Variants in GPHN observed in about 807,000 individuals in gnomAD.
GPHN encodes the protein gephyrin.
In GPHN, 17 loss-of-function variants were observed where a neutral mutation model predicts 95.5. The ratio of observed to expected loss-of-function variants is 0.18; its 90% CI spans 0.12 to 0.27. The LOEUF (loss-of-function observed/expected upper bound fraction) is 0.27, where lower values mean the gene tolerates loss of function less well. Among genes scored for constraint, GPHN ranks in the 10% least tolerant of loss-of-function variants. The pLI is 1.00. For missense variants in GPHN, 660 were observed against 978.1 expected, an observed-to-expected ratio of 0.67 and a Z score of 4.34; for synonymous variants, 320 against 322.5, an observed-to-expected ratio of 0.99 and a Z score of 0.08.
At chr14:66,634,539 A>G (rs965859793) in intron 1 of GPHN, among the ~76,000 whole-genome samples, 1 of 151,994 alleles carries the variant, frequency 6.6e-6, no homozygotes, top group African/African-American at 2.4e-5. Flanking sequence ...GGGTGAGCCA[A>G]TCTTAAGGTC....
the GPHN span, among the ~76,000 whole-genome samples, chr14:67,354,272 A>G: frequency 5.8e-4 from 89 of 152,324 alleles, no homozygotes; most frequent in African/African-American, 2.0e-3. Flanking sequence ...ATCATCATAA[A>G]TGTTATCAGG....
the GPHN span, among the ~76,000 whole-genome samples, chr14:67,685,652 G>A: frequency 6.6e-6 from 1 of 150,870 alleles, no homozygotes; most frequent in Non-Finnish European, 1.5e-5. Flanking sequence ...AGACAGGCTT[G>A]CTGTGTTGCC....
chr14:67,194,577 C>A, the GPHN span, among the ~76,000 whole-genome samples: 1 of 152,056 alleles, frequency 6.6e-6, no homozygotes, highest in South Asian at 2.1e-4. Flanking sequence ...ACAATCTTGG[C>A]TCACTGCAAC....
the GPHN span, among the ~76,000 whole-genome samples, chr14:67,379,654 C>CTTTTTTTTTTTTTTTTTTTTTTTTTTT: frequency 1.3e-4 from 15 of 119,952 alleles, no homozygotes; most frequent in East Asian, 1.2e-3. Flanking sequence ...TTTTCTTTTT[C>CTTTTTTTTTTTTTTTTTTTTTTTTTTT]TTTTTTTTTT....
intron 2 of GPHN, among the ~76,000 whole-genome samples, chr14:66,725,946 A>G (rs2071196894): frequency 6.6e-6 from 1 of 152,202 alleles, no homozygotes; most frequent in Non-Finnish European, 1.5e-5. Context: ...GTATTGTACC[A>G]TGATGATAAA....
chr14:67,583,992 C>A, the GPHN span: 1 of 1,613,980 alleles, frequency 6.2e-7, no homozygotes, highest in Admixed American at 1.7e-5. Context: ...CTGCCCACAC[C>A]AGGCACCTGG....
chr14:67,647,042 G>A, the GPHN span: 2 of 1,533,558 alleles, frequency 1.3e-6, no homozygotes, highest in Admixed American at 3.3e-5. Flanking sequence ...AACTATAACT[G>A]ATGTCAGGGC....
chr14:67,443,110 A>G, the GPHN span, among the ~76,000 whole-genome samples: 1 of 151,740 alleles, frequency 6.6e-6, no homozygotes, highest in African/African-American at 2.4e-5. Flanking sequence ...AGTCCCAGCT[A>G]CTTGGGAGGC....
the GPHN span, chr14:67,692,740 G>T: frequency 2.1e-6 from 2 of 975,526 alleles, no homozygotes; most frequent in Admixed American, 2.7e-5. Flanking sequence ...AATAGGTAAA[G>T]AAAAATAAAT....
the GPHN span, among the ~76,000 whole-genome samples, chr14:67,493,711 G>T: frequency 6.6e-6 from 1 of 152,048 alleles, no homozygotes; most frequent in African/African-American, 2.4e-5. Context: ...TTGGTTCAGG[G>T]ATGGATACAT....
At chr14:67,494,173 C>T in the GPHN span, among the ~76,000 whole-genome samples, 70 of 152,234 alleles carry the variant, frequency 4.6e-4, no homozygotes, top group Non-Finnish European at 8.8e-4. Context: ...TAAAATATGG[C>T]GCCAAACAGC....
chr14:67,370,773 T>G, the GPHN span, among the ~76,000 whole-genome samples: 1 of 152,122 alleles, frequency 6.6e-6, no homozygotes, highest in Non-Finnish European at 1.5e-5. Context: ...TGTCTGTAAT[T>G]CCAGCACTTT....
chr14:67,042,362 G>A (rs1269633080), intron 10 of GPHN, among the ~76,000 whole-genome samples: 1 of 152,112 alleles, frequency 6.6e-6, no homozygotes, highest in Non-Finnish European at 1.5e-5. Context: ...ATGGTCCTAG[G>A]TCTTATGTTT....
At chr14:67,058,969 G>T in intron 11 of GPHN, 183 bp downstream of exon 11, 6 of 528,444 alleles carry the variant, frequency 1.1e-5, no homozygotes, top group Admixed American at 6.9e-5. Context: ...AGCCTTAACA[G>T]TATACAGAGT....
Position 67,088,988 on chromosome 14 carries a change from A to G in GPHN, c.1150A>G (p.Met384Val), listed in dbSNP as rs2077020946. The G allele has an allele frequency of 6.3e-7, 1 of 1,581,784 alleles. No individual in the cohort carries two copies. The highest frequency in any genetic ancestry group is 8.7e-7 in the Non-Finnish European group (1 of 1,150,596). ...CTTCTTTTCTCTTCCTTCAGATGGA[A>G]TGGGGCGAGTCCTTGCTCAAGATGT... The part of the protein sequence containing the change: ...GTEIINYRDG[M>V]GRVLAQDVYA... The change falls in exon 12 of 23, where the codon ATG (methionine) becomes GTG (valine). Residue 384 changes from methionine to valine, a missense_variant. Met to Val is a conservative substitution (Grantham distance 21). Coordinates refer to ENST00000478722, the MANE Select transcript of GPHN (RefSeq NM_020806.5).
In GPHN at chr14:67,153,339, A is replaced by T. The variant is rs566297863; in HGVS notation, c.1837-6076A>T. ...AAACATTTATTTCTCATAATTCTGA[A>T]GGTTGGGAAATCCAAGATCCAGGTG... On this transcript the variant is annotated intron_variant, in intron 18 of 22. Coordinates refer to ENST00000478722, the MANE Select transcript of GPHN (RefSeq NM_020806.5). Among the ~76,000 whole-genome samples the T allele has an allele frequency of 3.3e-5, 5 of 152,326 alleles. No individual in the cohort carries two copies. In the South Asian group the frequency reaches 1.0e-3, roughly 32 times the overall value.
At chr14:67,407,498 TG>T in the GPHN span, among the ~76,000 whole-genome samples, 1 of 151,910 alleles carries the variant, frequency 6.6e-6, no homozygotes, top group Middle Eastern at 3.4e-3. Flanking sequence ...TGGAGTGCAG[TG>T]GCATGATCAT....
At chr14:66,772,784 G>A (rs1445153213) in intron 2 of GPHN, among the ~76,000 whole-genome samples, 1 of 152,108 alleles carries the variant, frequency 6.6e-6, no homozygotes, top group Non-Finnish European at 1.5e-5. Flanking sequence ...CAGATATAGT[G>A]TGAAAATGAA....
chr14:67,564,497 G>A, the GPHN span, among the ~76,000 whole-genome samples: 5 of 151,908 alleles, frequency 3.3e-5, no homozygotes, highest in African/African-American at 1.2e-4. Context: ...TTACTCTGTC[G>A]CCCAGGCTGG....
Sources: gnomAD v4.1 joint callset for allele counts (sites outside exome capture counted in the v4.1 genomes callset) on GRCh38, gnomAD v4.1.1 for gene constraint, MANE v1.5 for transcripts, NCBI Gene and HGNC (gene_info 2026-07-23, HGNC 2026-07-21) for gene names.